SH3RF3: variants seen among roughly 807,000 people sequenced by gnomAD.
SH3RF3 encodes the protein SH3 domain containing ring finger 3, also known as E3 ubiquitin-protein ligase SH3RF3.
A neutral mutation model predicts 66.3 loss-of-function variants in SH3RF3; 29 were observed. The ratio of observed to expected loss-of-function variants is 0.44; its 90% CI spans 0.33 to 0.60. SH3RF3 has a LOEUF of 0.60. Ranked by LOEUF, SH3RF3 falls within the 20% of genes least tolerant of loss-of-function variation. SH3RF3 has a pLI of 0.04. For synonymous variants in SH3RF3, 583 were observed against 532.0 expected, an observed-to-expected ratio of 1.10 and a Z score of -1.32; for missense variants, 1,194 against 1,190.9, an observed-to-expected ratio of 1.00 and a Z score of -0.04.
At chr2:109,155,718 T>C (rs1369251022) in intron 1 of SH3RF3, among the ~76,000 whole-genome samples, 2 of 152,230 alleles carry the variant, frequency 1.3e-5, no homozygotes, top group African/African-American at 4.8e-5. Flanking sequence ...ATAGGGTTTC[T>C]AGCAGTACTT....
At chr2:109,374,621 G>A (rs902582399) in intron 3 of SH3RF3, among the ~76,000 whole-genome samples, 5 of 152,186 alleles carry the variant, frequency 3.3e-5, no homozygotes, top group Admixed American at 1.3e-4. Context: ...GCACAGTCCC[G>A]GTGATGCTTG....
rs571018131 is a variant in SH3RF3, at chr2:109,296,871, A to T, written c.574-50803A>T. ...TCTCACCTCCTGACAGCACTGCTAT[A>T]GCATTGCCAGATGTTATTTTGAGTT... On this transcript the variant is annotated intron_variant, in intron 1 of 9. Transcript: ENST00000309415. Among the ~76,000 whole-genome samples the T allele has an allele frequency of 4.0e-4, 61 of 152,294 alleles. 1 individual carries two copies. In the South Asian group the frequency reaches 0.012, roughly 31 times the overall value.
At chr2:109,445,561 A>C (rs1677681287) in intron 7 of SH3RF3, among the ~76,000 whole-genome samples, 2 of 152,236 alleles carry the variant, frequency 1.3e-5, no homozygotes, top group African/African-American at 4.8e-5. Flanking sequence ...AAAGAGGACA[A>C]GGTATAGAAG....
At chr2:109,498,247 T>C (rs28537820) in intron 9 of SH3RF3, among the ~76,000 whole-genome samples, 38,853 of 152,058 alleles carry the variant, frequency 0.26, 5,324 homozygotes, top group East Asian at 0.51. Context: ...GTAGATGCTC[T>C]GAGACACTTA....
chr2:109,270,515 A>G (rs1680599732), intron 1 of SH3RF3, among the ~76,000 whole-genome samples: 1 of 152,166 alleles, frequency 6.6e-6, no homozygotes, highest in Non-Finnish European at 1.5e-5. Flanking sequence ...CAGGAGGGTG[A>G]GTAGAACCCA....
intron 1 of SH3RF3, among the ~76,000 whole-genome samples, chr2:109,312,038 G>T (rs1011742508): frequency 6.6e-6 from 1 of 152,124 alleles, no homozygotes; most frequent in South Asian, 2.1e-4. Flanking sequence ...CGTTGTGGCC[G>T]GTGTAGCAGT....
intron 4 of SH3RF3, among the ~76,000 whole-genome samples, chr2:109,405,586 C>T (rs944749211): frequency 2.0e-5 from 3 of 152,224 alleles, no homozygotes; most frequent in Admixed American, 2.0e-4. Context: ...TTTGCTGCCC[C>T]TCAGCATGGC....
At chr2:109,466,609 A>G (rs1678352597) in intron 8 of SH3RF3, among the ~76,000 whole-genome samples, 3 of 151,026 alleles carry the variant, frequency 2.0e-5, no homozygotes, top group Non-Finnish European at 4.4e-5. Context: ...TAACTATTTC[A>G]TGATTGTGTC....
At chr2:109,180,521 T>A (rs1397798474) in intron 1 of SH3RF3, among the ~76,000 whole-genome samples, 1 of 152,196 alleles carries the variant, frequency 6.6e-6, no homozygotes, top group Non-Finnish European at 1.5e-5. Flanking sequence ...ACTCTCATAA[T>A]TCCCACGTGT....
At chr2:109,417,443 G>C (rs144296146) in intron 4 of SH3RF3, among the ~76,000 whole-genome samples, 2 of 152,142 alleles carry the variant, frequency 1.3e-5, no homozygotes, top group African/African-American at 2.4e-5. Flanking sequence ...GAATCCATCC[G>C]TGGGAAGGAA....
chr2:109,294,596 A>T (rs879857263), intron 1 of SH3RF3, among the ~76,000 whole-genome samples: 4 of 151,850 alleles, frequency 2.6e-5, no homozygotes, highest in Non-Finnish European at 4.4e-5. Context: ...AGGTAAAAAA[A>T]AAAAAAAGAA....
chr2:109,431,511 A>T (rs1178520313), intron 5 of SH3RF3, among the ~76,000 whole-genome samples: 2 of 152,222 alleles, frequency 1.3e-5, no homozygotes, highest in African/African-American at 4.8e-5. Context: ...AGCTTGGCCC[A>T]TGGGCTGAGT....
At chr2:109,151,198 C>T (rs1041813286) in intron 1 of SH3RF3, among the ~76,000 whole-genome samples, 1 of 152,194 alleles carries the variant, frequency 6.6e-6, no homozygotes, top group Admixed American at 6.5e-5. Flanking sequence ...AATATGTGTC[C>T]AGTGGCCCAG....
intron 1 of SH3RF3, among the ~76,000 whole-genome samples, chr2:109,339,931 A>C (rs1574583173): frequency 6.6e-6 from 1 of 151,946 alleles, no homozygotes; most frequent in Non-Finnish European, 1.5e-5. Flanking sequence ...CTTTTGGGGG[A>C]GTGAGGAGGA....
chr2:109,130,466 C>G (rs1676664477), intron 1 of SH3RF3, among the ~76,000 whole-genome samples: 1 of 152,224 alleles, frequency 6.6e-6, no homozygotes, highest in South Asian at 2.1e-4. Context: ...CAGACACTCC[C>G]TCTGCACACC....
chr2:109,361,359 G>A (rs1284073936), intron 2 of SH3RF3, among the ~76,000 whole-genome samples: 3 of 152,142 alleles, frequency 2.0e-5, no homozygotes, highest in Non-Finnish European at 2.9e-5. Context: ...TTCTTTCTGC[G>A]AAGTATTGAG....
In SH3RF3 at chr2:109,453,003, C is replaced by G. The variant is rs192332375; in HGVS notation, c.2148+3514C>G. Among the ~76,000 whole-genome samples, 116 of 151,932 alleles carry G rather than the reference C, an allele frequency of 7.6e-4. No homozygotes were observed. The Middle Eastern group carries it at 0.01, about 13-fold the overall frequency. Reference sequence around the variant, plus strand: ...GAGGCTATTCCCGGGAGGCTGGTCCCCGGGAAACTGGTCCCCGGGAGGCTG... The same window carrying G: ...GAGGCTATTCCCGGGAGGCTGGTCCGCGGGAAACTGGTCCCCGGGAGGCTG... On this transcript the variant is annotated intron_variant, in intron 8 of 9. Coordinates refer to ENST00000309415, the MANE Select transcript of SH3RF3 (RefSeq NM_001099289.3).
chr2:109,404,258 G>A (rs555645282), intron 4 of SH3RF3, among the ~76,000 whole-genome samples: 12 of 152,300 alleles, frequency 7.9e-5, no homozygotes, highest in African/African-American at 2.9e-4. Flanking sequence ...GCAGGAAAGG[G>A]CTTTAGGCTG....
chr2:109,241,260 C>CAACAAT (rs1257245908), intron 1 of SH3RF3, among the ~76,000 whole-genome samples: 6 of 151,788 alleles, frequency 4.0e-5, no homozygotes, highest in African/African-American at 1.5e-4. Flanking sequence ...AAGAATATAA[C>CAACAAT]AACAACAACA....
Sources: allele counts gnomAD v4.1 joint callset (sites outside exome capture counted in the v4.1 genomes callset), GRCh38; gene constraint gnomAD v4.1.1; transcripts MANE v1.5; gene names NCBI Gene and HGNC (gene_info 2026-07-23, HGNC 2026-07-21).